The following LYN variants were observed in gnomAD, a reference collection of about 807,000 sequenced individuals.
The protein encoded by LYN is tyrosine-protein kinase Lyn.
In LYN, 12 loss-of-function variants were observed where a neutral mutation model predicts 65.0. The observed-to-expected ratio is 0.18, with a 90% CI of 0.12 to 0.30. The LOEUF (loss-of-function observed/expected upper bound fraction) is 0.30, where lower values mean the gene tolerates loss of function less well. Ranked by LOEUF, LYN falls within the 10% of genes least tolerant of loss-of-function variation. The pLI is 1.00. For synonymous variants in LYN, 222 were observed against 221.2 expected (o/e 1.00, Z -0.03); for missense variants, 380 against 623.2 (o/e 0.61, Z 4.16).
chr8:56,003,989 A>G (rs1409304000), intron 12 of LYN, among the ~76,000 whole-genome samples: 2 of 139,374 alleles, frequency 1.4e-5, no homozygotes, highest in African/African-American at 2.7e-5. Flanking sequence ...CTGGAGTGCA[A>G]TGGCGCCATC....
intron 10 of LYN, among the ~76,000 whole-genome samples, chr8:55,989,347 G>T (rs556025159): frequency 3.9e-5 from 6 of 152,198 alleles, no homozygotes; most frequent in Non-Finnish European, 7.3e-5. Flanking sequence ...TATCAAACCC[G>T]CATAAAAGAA....
In LYN at chr8:55,935,289, C is replaced by T. The variant is rs191055250; in HGVS notation, c.-5-6566C>T. Among the ~76,000 whole-genome samples the T allele has an allele frequency of 6.4e-4, 98 of 152,280 alleles. 1 individual carries two copies. Among genetic ancestry groups the T allele is most frequent in the African/African-American group, 2.2e-3 (92 of 41,554 alleles). ...TGCAGGCTGGTCAGATAGAGAAAGC[C>T]GTGCTATGCAGCTTGGCCAGCCCGG... On this transcript the variant is annotated intron_variant, in intron 1 of 12. Coordinates refer to ENST00000519728, the MANE Select transcript of LYN (RefSeq NM_002350.4).
At chr8:55,956,575 TTTAAGA>T (rs1453913172) in intron 8 of LYN, among the ~76,000 whole-genome samples, 1 of 152,166 alleles carries the variant, frequency 6.6e-6, no homozygotes, top group Non-Finnish European at 1.5e-5. Context: ...CTGTGGGAAG[TTTAAGA>T]TTATGTAAAT....
At position 55,939,202 on chromosome 8, in the gene LYN, G is replaced by T. The variant is rs571437545; in HGVS notation, c.-5-2653G>T. Among the ~76,000 whole-genome samples, 5 of 152,282 alleles carry T rather than the reference G, an allele frequency of 3.3e-5. No homozygotes were observed. In the East Asian group the frequency reaches 9.7e-4, roughly 29 times the overall value. On this transcript the variant is annotated intron_variant, in intron 1 of 12. Transcript: ENST00000519728. ...GAGGACCTCTGTTGAGGTTTCTGGT[G>T]GGAGAGTGTCTGAATGGGGGACCCC...
intron 3 of LYN, 139 bp from the exon 4 acceptor site, chr8:55,947,479 G>T (rs1042480877): frequency 3.0e-6 from 2 of 661,350 alleles, no homozygotes; most frequent in Non-Finnish European, 5.5e-6. Flanking sequence ...CAGACCCTGA[G>T]CCCACTAGGC....
intron 1 of LYN, among the ~76,000 whole-genome samples, chr8:55,929,159 G>A (rs1806192521): frequency 6.6e-6 from 1 of 152,066 alleles, no homozygotes; most frequent in Non-Finnish European, 1.5e-5. Context: ...GAGTCTTTTT[G>A]TTACTTTCAG....
At chr8:55,978,821 A>G (rs1488188493) in intron 10 of LYN, among the ~76,000 whole-genome samples, 1 of 152,122 alleles carries the variant, frequency 6.6e-6, no homozygotes, top group Non-Finnish European at 1.5e-5. Flanking sequence ...TCTCAGTGAC[A>G]TGGTTTGGGT....
At chr8:55,935,577 C>T (rs1303671253) in intron 1 of LYN, among the ~76,000 whole-genome samples, 1 of 152,070 alleles carries the variant, frequency 6.6e-6, no homozygotes, top group African/African-American at 2.4e-5. Context: ...AGTTGGAGAC[C>T]AGCCTGGCCA....
At chr8:55,948,607 C>T (rs1461437231) in intron 4 of LYN, among the ~76,000 whole-genome samples, 1 of 152,190 alleles carries the variant, frequency 6.6e-6, no homozygotes, top group Non-Finnish European at 1.5e-5. Context: ...TTCTAGCTTG[C>T]TTTTCTTACT....
intron 10 of LYN, among the ~76,000 whole-genome samples, chr8:55,994,050 A>C (rs1442441085): frequency 6.6e-6 from 1 of 152,230 alleles, no homozygotes; most frequent in Non-Finnish European, 1.5e-5. Context: ...AATCAGCCAA[A>C]GGAGTCTCTG....
In LYN at chr8:55,950,742, A is replaced by G. The variant is rs1292762388; in HGVS notation, c.445A>G (p.Ser149Gly). Reference protein sequence around the residue: ...AERQLLAPGNSAGAFLIRESE... With the variant: ...AERQLLAPGNGAGAFLIRESE... The stretch of plus-strand genomic sequence containing the variant: ...AAGGCAGCTTTTGGCACCAGGAAAT[A>G]GCGCTGGAGCTTTCCTTATTAGAGA... The change falls in exon 6 of 13, where the codon AGC (serine) becomes GGC (glycine). Residue 149 changes from serine (S) to glycine (G), a missense_variant. Physicochemically the swap from Ser to Gly is moderately conservative, Grantham distance 56. Transcript: ENST00000519728. 6.2e-7 allele frequency: 1 copy of G among 1,614,072 alleles called. No individual in the cohort carries two copies. The highest frequency in any genetic ancestry group is 8.5e-7 in the Non-Finnish European group (1 of 1,179,884).
intron 1 of LYN, among the ~76,000 whole-genome samples, chr8:55,923,695 A>G (rs533931612): frequency 9.4e-4 from 143 of 152,138 alleles, no homozygotes; most frequent in African/African-American, 3.3e-3. Context: ...GCCTGCTGCC[A>G]TACCCACCTG....
Position 55,947,730 on chromosome 8 carries a change from G to C in LYN, c.284+7G>C. 1 of 1,597,216 alleles carries C rather than the reference G, an allele frequency of 6.3e-7. No homozygotes were observed. Among genetic ancestry groups the C allele is most frequent in the Non-Finnish European group, 8.6e-7 (1 of 1,164,842 alleles). On this transcript the variant is annotated splice_region_variant and intron_variant, in intron 4 of 12. Transcript: ENST00000519728. ...AGATGAAAGTCCTGGAGGAGTAAGTGCTCTCAAGCACGCCACGGCTGCTCG... is the reference window on the plus strand; with the variant it reads ...AGATGAAAGTCCTGGAGGAGTAAGTCCTCTCAAGCACGCCACGGCTGCTCG...
intron 1 of LYN, among the ~76,000 whole-genome samples, chr8:55,904,311 G>T (rs1805360188): frequency 6.6e-6 from 1 of 152,100 alleles, no homozygotes; most frequent in Non-Finnish European, 1.5e-5. Context: ...CGGGTTGATG[G>T]AATGAAAATA....
intron 2 of LYN, among the ~76,000 whole-genome samples, chr8:55,942,357 G>GTATATATGTGTA (rs1806641263): frequency 7.4e-6 from 1 of 135,068 alleles, no homozygotes; most frequent in Non-Finnish European, 1.6e-5. Context: ...ATATATATGT[G>GTATATATGTGTA]TATATATATG....
At chr8:55,984,242 T>TG (rs973426960) in intron 10 of LYN, among the ~76,000 whole-genome samples, 1 of 152,184 alleles carries the variant, frequency 6.6e-6, no homozygotes, top group African/African-American at 2.4e-5. Flanking sequence ...TCGTGAGTTT[T>TG]GGGGGGACAT....
At chr8:55,886,193 T>G (rs947466432) in intron 1 of LYN, among the ~76,000 whole-genome samples, 3 of 152,180 alleles carry the variant, frequency 2.0e-5, no homozygotes, top group African/African-American at 7.2e-5. Context: ...TTAAAAATTG[T>G]TAAATTCCTT....
intron 1 of LYN, among the ~76,000 whole-genome samples, chr8:55,908,989 G>GTGTATATATATATA (rs1379592685): frequency 1.5e-4 from 3 of 20,398 alleles, no homozygotes; most frequent in Non-Finnish European, 1.7e-4. Flanking sequence ...CATTGTGTAT[G>GTGTATATATATATA]TATATATATA....
intron 1 of LYN, among the ~76,000 whole-genome samples, chr8:55,910,418 G>A (rs181624779): frequency 1.6e-3 from 250 of 152,206 alleles, no homozygotes; most frequent in Non-Finnish European, 3.1e-3. Context: ...TTTTCCCAGT[G>A]TATGTTTTTG....
Sources: allele counts gnomAD v4.1 joint callset (sites outside exome capture counted in the v4.1 genomes callset), GRCh38; gene constraint gnomAD v4.1.1; transcripts MANE v1.5; gene names NCBI Gene and HGNC (gene_info 2026-07-23, HGNC 2026-07-21).